Variants in CCSER1 observed in about 807,000 individuals in gnomAD.
CCSER1 encodes serine-rich coiled-coil domain-containing protein 1.
CCSER1 carries 41 observed loss-of-function variants against 82.0 expected under a neutral mutation model. The ratio of observed to expected loss-of-function variants is 0.50; its 90% CI spans 0.39 to 0.65. CCSER1 has a LOEUF of 0.65. Ranked by LOEUF, CCSER1 falls within the 30% of genes least tolerant of loss-of-function variation. CCSER1 has a pLI of 0.00. For synonymous variants in CCSER1, 414 were observed against 383.9 expected, an observed-to-expected ratio of 1.08 and a Z score of -0.92; for missense variants, 1,119 against 1,064.2, an observed-to-expected ratio of 1.05 and a Z score of -0.72.
chr4:90,265,689 T>G (rs1343939013), intron 1 of CCSER1, among the ~76,000 whole-genome samples: 1 of 152,126 alleles, frequency 6.6e-6, no homozygotes, highest in Non-Finnish European at 1.5e-5. Context: ...ACTTAAATTC[T>G]GAATCCAGCT....
chr4:90,891,287 TTAA>T lies in CCSER1; in HGVS notation c.2095-32079_2095-32077del, dbSNP rs549329743. Among the ~76,000 whole-genome samples, 191 of 151,844 alleles carry T rather than the reference TTAA, an allele frequency of 1.3e-3. 1 individual carries two copies. Among genetic ancestry groups the T allele is most frequent in the African/African-American group, 4.2e-3 (174 of 41,536 alleles). ...TTATTCTATATACAAAGGGATATTA[TTAA>T]TAAGTGGCTAATCAAATATATTTAT... On this transcript the variant is annotated intron_variant, in intron 8 of 10. Coordinates refer to ENST00000509176, the MANE Select transcript of CCSER1 (RefSeq NM_001145065.2).
At chr4:90,863,328 G>C (rs1213060373) in intron 8 of CCSER1, among the ~76,000 whole-genome samples, 1 of 151,738 alleles carries the variant, frequency 6.6e-6, no homozygotes, top group South Asian at 2.1e-4. Context: ...TTTCTTTTGA[G>C]ATATAGAGTA....
intron 6 of CCSER1, among the ~76,000 whole-genome samples, chr4:90,636,738 A>G (rs1262852347): frequency 6.6e-6 from 1 of 152,144 alleles, no homozygotes; most frequent in East Asian, 1.9e-4. Context: ...CTTGATGGTA[A>G]AACACTGAAA....
In CCSER1 at chr4:91,476,450, G is replaced by A. The variant is rs181328828; in HGVS notation, c.2218-122122G>A. Reference sequence around the variant, plus strand: ...TGTGTGTCTTGGAAGACTTAGTATTGTTAAGATGTCCATACCGCCCAAAGT... The same window carrying A: ...TGTGTGTCTTGGAAGACTTAGTATTATTAAGATGTCCATACCGCCCAAAGT... On this transcript the variant is annotated intron_variant, in intron 10 of 10. Transcript: ENST00000509176. Among the ~76,000 whole-genome samples, 4 of 151,514 alleles carry A rather than the reference G, an allele frequency of 2.6e-5. No homozygotes were observed. In the East Asian group the frequency reaches 5.8e-4, roughly 22 times the overall value.
At chr4:90,448,142 T>A (rs1169658181) in intron 4 of CCSER1, among the ~76,000 whole-genome samples, 1 of 152,030 alleles carries the variant, frequency 6.6e-6, no homozygotes, top group Non-Finnish European at 1.5e-5. Context: ...CTTTAAAAAA[T>A]TATTGTTTTC....
intron 8 of CCSER1, among the ~76,000 whole-genome samples, chr4:90,835,166 C>T (rs192932027): frequency 0.015 from 2,349 of 152,090 alleles, 72 homozygotes; most frequent in African/African-American, 0.054. Flanking sequence ...GCCGTCTCTA[C>T]TAAAAATACA....
intron 7 of CCSER1, among the ~76,000 whole-genome samples, chr4:90,778,176 G>A (rs896998027): frequency 5.9e-5 from 9 of 152,060 alleles, no homozygotes; most frequent in Admixed American, 2.6e-4. Flanking sequence ...CTTGAACACT[G>A]TGCTGCTTAA....
At chr4:90,841,413 C>G (rs1411304013) in intron 8 of CCSER1, among the ~76,000 whole-genome samples, 1 of 151,598 alleles carries the variant, frequency 6.6e-6, no homozygotes. Context: ...CCCGTCTCTA[C>G]TAAAAATACA....
At chr4:91,335,808 A>ATT (rs142804998) in intron 10 of CCSER1, among the ~76,000 whole-genome samples, 1 of 151,750 alleles carries the variant, frequency 6.6e-6, no homozygotes, top group East Asian at 1.9e-4. Context: ...GTTGACTAGG[A>ATT]TTTTTTTTAG....
At chr4:90,327,250 C>G (rs1738391338) in intron 3 of CCSER1, among the ~76,000 whole-genome samples, 1 of 152,250 alleles carries the variant, frequency 6.6e-6, no homozygotes, top group Admixed American at 6.5e-5. Flanking sequence ...TGCAATCCCC[C>G]TCACTTGTAT....
intron 5 of CCSER1, among the ~76,000 whole-genome samples, chr4:90,597,019 T>C (rs1250685086): frequency 6.6e-6 from 1 of 152,092 alleles, no homozygotes; most frequent in South Asian, 2.1e-4. Context: ...TTATTCTCAG[T>C]CATGATTAGT....
chr4:90,438,073 A>G (rs1170611359), intron 4 of CCSER1, among the ~76,000 whole-genome samples: 1 of 152,176 alleles, frequency 6.6e-6, no homozygotes, highest in Admixed American at 6.5e-5. Context: ...TTGTGAAATT[A>G]AAGAAATAGC....
Position 90,584,684 on chromosome 4 carries a change from C to T in CCSER1, c.1725-43341C>T, listed in dbSNP as rs546828982. Among the ~76,000 whole-genome samples the T allele has an allele frequency of 2.0e-5, 3 of 152,296 alleles. No homozygotes were observed. In the South Asian group the frequency reaches 6.2e-4, roughly 32 times the overall value. Reference sequence around the variant, plus strand: ...AGCCAGGAAAATATGCCATGTAACACAGTGCTTACTAGCACACTTTTAATA... The same window carrying T: ...AGCCAGGAAAATATGCCATGTAACATAGTGCTTACTAGCACACTTTTAATA... On this transcript the variant is annotated intron_variant, in intron 5 of 10. Transcript: ENST00000509176.
At chr4:90,421,529 G>A (rs1319442274) in intron 4 of CCSER1, among the ~76,000 whole-genome samples, 2 of 152,158 alleles carry the variant, frequency 1.3e-5, no homozygotes, top group Non-Finnish European at 2.9e-5. Flanking sequence ...TACCTTGACT[G>A]AATTCTGGTA....
At chr4:90,150,475 G>A (rs1726626008) in intron 1 of CCSER1, among the ~76,000 whole-genome samples, 1 of 152,170 alleles carries the variant, frequency 6.6e-6, no homozygotes, top group East Asian at 1.9e-4. Context: ...TATAAGAGAT[G>A]CATGACTTGT....
chr4:90,282,619 G>A (rs1412093921), intron 1 of CCSER1, among the ~76,000 whole-genome samples: 1 of 151,818 alleles, frequency 6.6e-6, no homozygotes, highest in African/African-American at 2.4e-5. Flanking sequence ...AATAATTGAT[G>A]TTTCAGATGC....
intron 10 of CCSER1, among the ~76,000 whole-genome samples, chr4:91,299,648 A>T (rs1443968082): frequency 6.6e-6 from 1 of 151,998 alleles, no homozygotes; most frequent in East Asian, 1.9e-4. Flanking sequence ...TACTACAAGG[A>T]TATTTCCATA....
At chr4:91,356,745 A>G (rs1375648600) in intron 10 of CCSER1, among the ~76,000 whole-genome samples, 3 of 152,178 alleles carry the variant, frequency 2.0e-5, no homozygotes, top group Non-Finnish European at 4.4e-5. Flanking sequence ...GTCTCCAAGG[A>G]ATGCTAAGTC....
At chr4:90,899,509 G>A (rs1488102186) in intron 8 of CCSER1, among the ~76,000 whole-genome samples, 1 of 151,944 alleles carries the variant, frequency 6.6e-6, no homozygotes, top group Non-Finnish European at 1.5e-5. Flanking sequence ...TGGTGAGAGT[G>A]GATATTCTTG....
Sources: allele counts gnomAD v4.1 joint callset (sites outside exome capture counted in the v4.1 genomes callset), GRCh38; gene constraint gnomAD v4.1.1; transcripts MANE v1.5; gene names NCBI Gene and HGNC (gene_info 2026-07-23, HGNC 2026-07-21).